ZEB1: variants seen among roughly 807,000 people sequenced by gnomAD.
ZEB1 encodes the protein zinc finger E-box-binding homeobox 1.
In ZEB1, 21 loss-of-function variants were observed where a neutral mutation model predicts 84.9. That is an observed-to-expected ratio of 0.25 (90% CI 0.18 to 0.36). ZEB1 has a LOEUF of 0.36. Ranked by LOEUF, ZEB1 falls within the 10% of genes least tolerant of loss-of-function variation. ZEB1 has a pLI of 1.00. For synonymous variants in ZEB1, 420 were observed against 471.1 expected, an observed-to-expected ratio of 0.89 and a Z score of 1.41; for missense variants, 1,104 against 1,330.2, an observed-to-expected ratio of 0.83 and a Z score of 2.65.
chr10:31,485,551 GTAT>G (rs969548206), intron 2 of ZEB1, among the ~76,000 whole-genome samples: 2 of 151,798 alleles, frequency 1.3e-5, no homozygotes, highest in African/African-American at 4.8e-5. Flanking sequence ...ACATTATTGT[GTAT>G]TATTATCAGT....
chr10:31,369,002 T>C (rs1296975670), intron 1 of ZEB1, among the ~76,000 whole-genome samples: 1 of 152,258 alleles, frequency 6.6e-6, no homozygotes, highest in African/African-American at 2.4e-5. Flanking sequence ...TAAATTGAGT[T>C]AGTGGAGGAC....
At chr10:31,362,909 G>T (rs769201685) in intron 1 of ZEB1, 3 of 1,443,460 alleles carry the variant, frequency 2.1e-6, no homozygotes, top group African/African-American at 2.8e-5. Flanking sequence ...ATGTTCTTAC[G>T]CATGTTGCCA....
rs750089468 is a variant in ZEB1, at chr10:31,520,828, T to C, written c.1496T>C (p.Val499Ala). 1.2e-6 allele frequency: 2 copies of C among 1,613,980 alleles called. No homozygotes were observed. The highest frequency in any genetic ancestry group is 2.2e-5 in the East Asian group (1 of 44,862). Residue 499 changes from valine to alanine, a missense_variant, in exon 7 of 9, where the codon GTC (valine) becomes GCC (alanine). Around this residue, in one of 7 missense-constraint regions of ZEB1, gnomAD observed 531 missense variants for 575.2 expected, o/e 0.92. Coordinates refer to ENST00000424869, the MANE Select transcript of ZEB1 (RefSeq NM_001174096.2). This position sits in a 1 kb window ranked among gnomAD's most constrained non-coding sequence, Gnocchi z 5.1. ...VPQNLKKENPVATNSCKSEKL... is the reference protein window; with the variant it reads ...VPQNLKKENPAATNSCKSEKL... ...CAAAATTTAAAAAAAGAAAATCCAGTCGCTACAAACAGTTGTAAAAGTGAA... is the reference window on the plus strand; with the variant it reads ...CAAAATTTAAAAAAAGAAAATCCAGCCGCTACAAACAGTTGTAAAAGTGAA...
At chr10:31,492,052 G>T (rs1398466021) in intron 2 of ZEB1, among the ~76,000 whole-genome samples, 1 of 151,890 alleles carries the variant, frequency 6.6e-6, no homozygotes, top group East Asian at 1.9e-4. Flanking sequence ...GCAGAAAGCT[G>T]GCTCAGCGAT....
rs557743305 is a variant in ZEB1 at position 31,502,599 on chromosome 10, G to A, written c.484+90G>A. The stretch of plus-strand genomic sequence containing the variant: ...CTATGGGAACCTGCTCTACTATAGG[G>A]AACATTCTTGAAGACCAAACTTTAT... On this transcript the variant is annotated intron_variant, in intron 4 of 8. Coordinates refer to ENST00000424869, the MANE Select transcript of ZEB1 (RefSeq NM_001174096.2). 10 of 1,551,030 alleles carry A rather than the reference G, an allele frequency of 6.4e-6. No homozygotes were observed. In the African/African-American group the frequency reaches 1.2e-4, roughly 19 times the overall value.
At chr10:31,460,682 A>ACT (rs995488619) in intron 1 of ZEB1, among the ~76,000 whole-genome samples, 4 of 151,932 alleles carry the variant, frequency 2.6e-5, no homozygotes, top group African/African-American at 4.8e-5. Flanking sequence ...TAGACAAGTT[A>ACT]CTCTCTCTCT....
chr10:31,362,356 C>T (rs1158699059), intron 1 of ZEB1, among the ~76,000 whole-genome samples: 1 of 150,422 alleles, frequency 6.6e-6, no homozygotes, highest in Non-Finnish European at 1.5e-5. Context: ...CCTCACTTCC[C>T]AGAGTGTAGG....
rs144100491 is a variant in ZEB1 at position 31,478,916 on chromosome 10, T to G, written c.260-16860T>G. Among the ~76,000 whole-genome samples the G allele has an allele frequency of 2.0e-5, 3 of 151,928 alleles. No homozygotes were observed. In the East Asian group the frequency reaches 5.8e-4, roughly 29 times the overall value. ...TAATTCGAATTTACAATTTTACAAT[T>G]GGGTACAGCTTGTTCACTGTTTGGA... On this transcript the variant is annotated intron_variant, in intron 2 of 8. Transcript: ENST00000424869.
chr10:31,502,348 TA>T lies in ZEB1; in HGVS notation c.327del (p.Asp110MetfsTer77). On this transcript the variant is annotated frameshift_variant and splice_region_variant, in exon 4 of 9. Transcript: ENST00000424869. LOFTEE classifies it high-confidence loss of function. ...EAQADEAGCT[V>X]KDDECESDAE... ...TCTTAAAAGTATGCATTTTTTTTAGTAAAAGATGATGAATGCGAGTCAGATG... is the reference window on the plus strand; with the variant it reads ...TCTTAAAAGTATGCATTTTTTTTAGTAAAGATGATGAATGCGAGTCAGATG... The T allele has an allele frequency of 6.2e-7, 1 of 1,613,590 alleles. No homozygotes were observed. The highest frequency in any genetic ancestry group is 8.5e-7 in the Non-Finnish European group (1 of 1,179,662).
intron 1 of ZEB1, among the ~76,000 whole-genome samples, chr10:31,345,214 G>A (rs544524008): frequency 3.3e-5 from 5 of 151,900 alleles, no homozygotes; most frequent in African/African-American, 1.2e-4. Context: ...TTCATTTATA[G>A]TGCTCTTAAA....
At chr10:31,470,133 G>A (rs993293146) in intron 2 of ZEB1, among the ~76,000 whole-genome samples, 2 of 152,176 alleles carry the variant, frequency 1.3e-5, no homozygotes, top group African/African-American at 2.4e-5. Context: ...CAGAAAAAGT[G>A]GAAACTCTAA....
intron 1 of ZEB1, among the ~76,000 whole-genome samples, chr10:31,455,905 C>T (rs866768390): frequency 2.0e-5 from 3 of 151,974 alleles, no homozygotes; most frequent in Non-Finnish European, 2.9e-5. Flanking sequence ...TCCCATTACT[C>T]GGTATATACC....
chr10:31,489,045 TCAGTTAATG>T (rs1040198673), intron 2 of ZEB1, among the ~76,000 whole-genome samples: 2 of 151,318 alleles, frequency 1.3e-5, no homozygotes, highest in African/African-American at 4.8e-5. Flanking sequence ...ACTTGTTCTG[TCAGTTAATG>T]CAAGAGGAGT....
rs577819990 is a variant in ZEB1, at chr10:31,459,788, T to C, written c.59-1249T>C. The stretch of plus-strand genomic sequence containing the variant: ...TTATTTGTTTTCACCTTTAAATATC[T>C]ACCCATATTTTCAATTGTATTTCTT... On this transcript the variant is annotated intron_variant, in intron 1 of 8. Coordinates refer to ENST00000424869, the MANE Select transcript of ZEB1 (RefSeq NM_001174096.2). Among the ~76,000 whole-genome samples, 6 of 151,908 alleles carry C rather than the reference T, an allele frequency of 3.9e-5. No individual in the cohort carries two copies. In the South Asian group the frequency reaches 1.2e-3, roughly 32 times the overall value.
At chr10:31,396,578 T>C (rs997200670) in intron 1 of ZEB1, among the ~76,000 whole-genome samples, 4 of 152,120 alleles carry the variant, frequency 2.6e-5, no homozygotes, top group Admixed American at 6.5e-5. Flanking sequence ...AGTGAGAAAC[T>C]GGCCAGACTG....
chr10:31,360,966 C>T, intron 1 of ZEB1: 8 of 1,603,462 alleles, frequency 5.0e-6, no homozygotes, highest in African/African-American at 4.0e-5. Context: ...TGGCGACCGC[C>T]ACGGAGCAGT....
At chr10:31,452,926 A>G (rs1477954985) in intron 1 of ZEB1, among the ~76,000 whole-genome samples, 1 of 152,102 alleles carries the variant, frequency 6.6e-6, no homozygotes, top group Non-Finnish European at 1.5e-5. Context: ...TATACTTAAT[A>G]TGAGTACAGT....
At chr10:31,386,578 A>C (rs1055942969) in intron 1 of ZEB1, among the ~76,000 whole-genome samples, 1 of 152,224 alleles carries the variant, frequency 6.6e-6, no homozygotes, top group East Asian at 1.9e-4. Flanking sequence ...ACAAAACCAA[A>C]ATTCCTTTCC....
At chr10:31,474,980 A>G (rs1370153492) in intron 2 of ZEB1, among the ~76,000 whole-genome samples, 5 of 150,228 alleles carry the variant, frequency 3.3e-5, no homozygotes. Context: ...CAAACACCGC[A>G]TATTCTCACT....
Sources: allele counts gnomAD v4.1 joint callset (sites outside exome capture counted in the v4.1 genomes callset), GRCh38; gene constraint gnomAD v4.1.1; regional missense constraint gnomAD v4.1.1; non-coding constraint Gnocchi (gnomAD v3.1); transcripts MANE v1.5; gene names NCBI Gene and HGNC (gene_info 2026-07-23, HGNC 2026-07-21).